Variants in ATAD2B observed in about 807,000 individuals in gnomAD.
The protein encoded by ATAD2B is ATPase family AAA domain-containing protein 2B.
ATAD2B carries 40 observed loss-of-function variants against 167.6 expected under a neutral mutation model. That is an observed-to-expected ratio of 0.24 (90% confidence interval 0.19 to 0.31). The LOEUF (loss-of-function observed/expected upper bound fraction) is 0.31. Among genes scored for constraint, ATAD2B ranks in the 10% least tolerant of loss-of-function variants. ATAD2B has a pLI of 1.00. For missense variants in ATAD2B, 1,242 were observed against 1,757.2 expected (o/e 0.71, Z 5.24); for synonymous variants, 579 against 596.5 (o/e 0.97, Z 0.43).
intron 8 of ATAD2B, among the ~76,000 whole-genome samples, chr2:23,875,337 T>G (rs2150144840): frequency 6.6e-6 from 1 of 151,670 alleles, no homozygotes; most frequent in South Asian, 2.1e-4. Context: ...CTATCTCTAC[T>G]AAAAATATGA....
chr2:23,895,461 T>A (rs1700043017), intron 2 of ATAD2B, among the ~76,000 whole-genome samples: 1 of 152,116 alleles, frequency 6.6e-6, no homozygotes, highest in South Asian at 2.1e-4. Context: ...TCTTAGTATA[T>A]CAATTCAAGT....
chr2:23,902,474 C>G (rs1461054367), intron 1 of ATAD2B, among the ~76,000 whole-genome samples: 1 of 152,214 alleles, frequency 6.6e-6, no homozygotes, highest in African/African-American at 2.4e-5. Flanking sequence ...GCTAACAATT[C>G]ACCCTTAATA....
chr2:23,687,900 G>T, the ATAD2B span, among the ~76,000 whole-genome samples: 1 of 152,154 alleles, frequency 6.6e-6, no homozygotes. Context: ...GTTTTGTAAA[G>T]ATGACAGTCA....
At chr2:23,696,281 C>T in the ATAD2B span, 1 of 1,520,246 alleles carries the variant, frequency 6.6e-7, no homozygotes, top group Non-Finnish European at 8.9e-7. This position sits in a 1 kb window ranked among gnomAD's most constrained non-coding sequence, Gnocchi z 5.5. Flanking sequence ...CCTGCTGACC[C>T]CAGGCCCCTC....
At chr2:23,913,219 T>G (rs1702549391) in intron 1 of ATAD2B, among the ~76,000 whole-genome samples, 1 of 152,180 alleles carries the variant, frequency 6.6e-6, no homozygotes, top group African/African-American at 2.4e-5. Context: ...CATCCAATCC[T>G]ACAAAAGAAA....
chr2:23,843,864 G>A (rs562675097), intron 13 of ATAD2B, among the ~76,000 whole-genome samples: 92 of 152,274 alleles, frequency 6.0e-4, no homozygotes, highest in Admixed American at 6.0e-3. Context: ...ATACATAAAA[G>A]GATACTGCAT....
intron 22 of ATAD2B, among the ~76,000 whole-genome samples, chr2:23,769,711 G>GATTTTTTTTTTTTTTTTTTTTTT (rs199842019): frequency 3.1e-5 from 4 of 129,836 alleles, no homozygotes; most frequent in African/African-American, 2.7e-5. Context: ...TCTCACTGTG[G>GATTTTTTTTTTTTTTTTTTTTTT]GTTTTTTTTT....
chr2:23,915,918 G>A (rs997819431), intron 1 of ATAD2B, among the ~76,000 whole-genome samples: 18 of 152,048 alleles, frequency 1.2e-4, no homozygotes, highest in Non-Finnish European at 2.4e-4. Flanking sequence ...TTTTAACTAT[G>A]CTGACTTCAG....
At chr2:23,738,793 T>C in the ATAD2B span, among the ~76,000 whole-genome samples, 3 of 152,270 alleles carry the variant, frequency 2.0e-5, no homozygotes, top group Middle Eastern at 3.4e-3. Context: ...TTGTGCTATA[T>C]TCAGGAAACC....
the ATAD2B span, among the ~76,000 whole-genome samples, chr2:23,740,282 C>T: frequency 3.3e-5 from 5 of 152,304 alleles, 1 homozygote; most frequent in South Asian, 1.0e-3. Flanking sequence ...CCCTGATGAA[C>T]ATCGATGTAA....
chr2:23,765,283 CT>C (rs1476674309), intron 23 of ATAD2B, among the ~76,000 whole-genome samples: 1 of 152,160 alleles, frequency 6.6e-6, no homozygotes, highest in South Asian at 2.1e-4. Context: ...ATAAGAAACA[CT>C]TTATTTCTGT....
chr2:23,829,649 G>T (rs1282841194), intron 14 of ATAD2B, among the ~76,000 whole-genome samples: 1 of 152,102 alleles, frequency 6.6e-6, no homozygotes, highest in Non-Finnish European at 1.5e-5. Context: ...CAGGTACTCA[G>T]GAAGCTGAGG....
intron 18 of ATAD2B, 95 bp from the exon 19 acceptor site, chr2:23,798,418 T>G: frequency 1.1e-6 from 1 of 942,514 alleles, no homozygotes; most frequent in Non-Finnish European, 1.5e-6. Flanking sequence ...GTCAGGCCTA[T>G]TATGGTCATT....
At chr2:23,855,207 A>C (rs80066399) in intron 13 of ATAD2B, among the ~76,000 whole-genome samples, 2 of 151,492 alleles carry the variant, frequency 1.3e-5, no homozygotes, top group South Asian at 4.2e-4. Flanking sequence ...AAAAAAAAAA[A>C]ACACAAGGAC....
In ATAD2B at chr2:23,766,988, T is replaced by C. The variant is rs980025354; in HGVS notation, c.3134-1360A>G. Among the ~76,000 whole-genome samples, 7 of 152,076 alleles carry C rather than the reference T, an allele frequency of 4.6e-5. 1 individual carries two copies. Among genetic ancestry groups the C allele is most frequent in the African/African-American group, 1.7e-4 (7 of 41,392 alleles). ...TGAGAAAATCCTGCTGTAAAGAGTTTGGAGATTTCAAGAAACTGAAATGCA... is the reference window on the plus strand; with the variant it reads ...TGAGAAAATCCTGCTGTAAAGAGTTCGGAGATTTCAAGAAACTGAAATGCA... On this transcript the variant is annotated intron_variant, in intron 22 of 27. Coordinates refer to ENST00000238789, the MANE Select transcript of ATAD2B (RefSeq NM_017552.4).
chr2:23,909,147 A>G (rs550929168), intron 1 of ATAD2B, among the ~76,000 whole-genome samples: 17 of 152,024 alleles, frequency 1.1e-4, no homozygotes, highest in Non-Finnish European at 1.8e-4. Context: ...TAAAAAAAAA[A>G]AAAGAAAGGC....
chr2:23,903,955 T>C (rs1419206429), intron 1 of ATAD2B, among the ~76,000 whole-genome samples: 1 of 151,858 alleles, frequency 6.6e-6, no homozygotes, highest in East Asian at 1.9e-4. Flanking sequence ...GTGGTGGTGG[T>C]GGTGGTAGTG....
Position 23,750,734 on chromosome 2 carries a change from T to C in ATAD2B, c.*1312A>G, listed in dbSNP as rs1020451162. On this transcript the variant is annotated 3_prime_UTR_variant, in exon 28 of 28. Coordinates refer to ENST00000238789, the MANE Select transcript of ATAD2B (RefSeq NM_017552.4). ...AAAAGTCACTGCATCCTTTGCCTCA[T>C]TGCAACTGCCTAGACTGTGTCTCCA... 3.3e-5 allele frequency: 5 copies of C among 152,186 alleles called. No homozygotes were observed. The highest frequency in any genetic ancestry group is 5.9e-5 in the Non-Finnish European group (4 of 68,014). 9.4% of individuals were successfully genotyped at this position (152,186 alleles called of 1,614,324 possible). A position where few individuals can be genotyped will look rare whatever the true frequency, so the allele number is the denominator to read the frequency against.
chr2:23,911,928 T>C (rs1019807719), intron 1 of ATAD2B, among the ~76,000 whole-genome samples: 1 of 143,188 alleles, frequency 7.0e-6, no homozygotes, highest in Non-Finnish European at 1.5e-5. Flanking sequence ...TGAGCCAAGA[T>C]CACGCCATTG....
Sources: gnomAD v4.1 joint callset for allele counts (sites outside exome capture counted in the v4.1 genomes callset) on GRCh38, gnomAD v4.1.1 for gene constraint, Gnocchi (gnomAD v3.1) non-coding constraint, MANE v1.5 for transcripts, NCBI Gene and HGNC (gene_info 2026-07-23, HGNC 2026-07-21) for gene names.